STXBP3: variants seen among roughly 807,000 people sequenced by gnomAD.
STXBP3 encodes syntaxin-binding protein 3.
STXBP3 carries 41 observed loss-of-function variants against 85.7 expected under a neutral mutation model. That is an observed-to-expected ratio of 0.48 (90% confidence interval 0.37 to 0.62). STXBP3 has a LOEUF of 0.62. Ranked by LOEUF, STXBP3 falls within the 20% of genes least tolerant of loss-of-function variation. The pLI is 0.00. For missense variants in STXBP3, 563 were observed against 703.1 expected, an observed-to-expected ratio of 0.80 and a Z score of 2.25; for synonymous variants, 229 against 231.7, an observed-to-expected ratio of 0.99 and a Z score of 0.10.
intron 3 of STXBP3, among the ~76,000 whole-genome samples, chr1:108,753,437 T>G (rs1054701529): frequency 3.9e-5 from 6 of 152,122 alleles, no homozygotes; most frequent in African/African-American, 1.2e-4. Context: ...TGTATATTGA[T>G]ACACAAGCTT....
At chr1:108,784,130 T>C (rs1008131082) in intron 11 of STXBP3, among the ~76,000 whole-genome samples, 2 of 152,234 alleles carry the variant, frequency 1.3e-5, no homozygotes, top group Admixed American at 1.3e-4. Flanking sequence ...ATACTTTCTC[T>C]GTGTCCTTAG....
intron 17 of STXBP3, among the ~76,000 whole-genome samples, chr1:108,800,540 A>G (rs771254657): frequency 6.6e-6 from 1 of 152,222 alleles, no homozygotes; most frequent in Admixed American, 6.5e-5. Flanking sequence ...CTTCCTTCAC[A>G]TAGCAGAGAC....
chr1:108,748,569 C>T (rs771904075), intron 1 of STXBP3, among the ~76,000 whole-genome samples: 3 of 151,866 alleles, frequency 2.0e-5, no homozygotes, highest in Non-Finnish European at 4.4e-5. Flanking sequence ...CAGTGGCTCA[C>T]GCCTGTAATT....
chr1:108,772,690 C>G lies in STXBP3; in HGVS notation c.464C>G (p.Ala155Gly). ...SQVYTLDVPD[A>G]FYYCYSPDPG... is the part of the protein sequence containing the mutation. ...GTGTATACTCTTGATGTACCAGATG[C>G]ATTCTATTACTGTTATAGTCCAGAC... Residue 155 changes from alanine to glycine, a missense_variant, in exon 7 of 19, where the codon GCA (alanine) becomes GGA (glycine). Ala to Gly is a moderately conservative substitution (Grantham distance 60). Around this residue, in one of 3 missense-constraint regions of STXBP3, gnomAD observed 494 missense variants for 592.8 expected, o/e 0.83. Transcript: ENST00000370008. The G allele has an allele frequency of 6.5e-7, 1 of 1,533,308 alleles. No individual in the cohort carries two copies. The highest frequency in any genetic ancestry group is 8.8e-7 in the Non-Finnish European group (1 of 1,135,406). The allele number at this position is 1,533,308 out of a possible 1,614,324, so 95.0% of individuals were successfully genotyped here. A position where few individuals can be genotyped will look rare whatever the true frequency, so the allele number is the denominator to read the frequency against.
intron 12 of STXBP3, 51 bp from the exon 13 acceptor site, chr1:108,794,776 G>A (rs1663056495): frequency 1.3e-6 from 2 of 1,526,204 alleles, no homozygotes; most frequent in Non-Finnish European, 1.8e-6. Flanking sequence ...ATTACCAGTT[G>A]CACAAAAGTC....
At chr1:108,775,100 A>G (rs1383996096) in intron 7 of STXBP3, among the ~76,000 whole-genome samples, 1 of 152,124 alleles carries the variant, frequency 6.6e-6, no homozygotes, top group African/African-American at 2.4e-5. Flanking sequence ...TGTACAATTT[A>G]TTGTACAGAG....
At chr1:108,747,357 G>A (rs1412951848) in intron 1 of STXBP3, among the ~76,000 whole-genome samples, 1 of 152,138 alleles carries the variant, frequency 6.6e-6, no homozygotes, top group Non-Finnish European at 1.5e-5. Flanking sequence ...CTTGAGAAGA[G>A]ACCATTGGAA....
At chr1:108,755,621 C>T (rs1351383467) in intron 3 of STXBP3, among the ~76,000 whole-genome samples, 4 of 151,786 alleles carry the variant, frequency 2.6e-5, no homozygotes, top group Admixed American at 6.6e-5. Context: ...AGAGCCTGAG[C>T]CCTAAATCAT....
intron 11 of STXBP3, among the ~76,000 whole-genome samples, chr1:108,788,656 T>C (rs1019709818): frequency 2.6e-5 from 4 of 152,224 alleles, no homozygotes; most frequent in Non-Finnish European, 4.4e-5. Context: ...TTGTCTATTA[T>C]ATCTAAATTT....
intron 3 of STXBP3, among the ~76,000 whole-genome samples, chr1:108,754,033 C>T (rs375149664): frequency 1.5e-4 from 20 of 133,778 alleles, no homozygotes; most frequent in Non-Finnish European, 1.7e-4. Context: ...ATAAAATAAT[C>T]TTTTTTTTTT....
At chr1:108,766,916 T>C in intron 6 of STXBP3, 1 of 532,510 alleles carries the variant, frequency 1.9e-6, no homozygotes, top group Admixed American at 2.0e-5. Context: ...AACTGTAATA[T>C]GGAACTGGGG....
intron 3 of STXBP3, 67 bp downstream of exon 3, chr1:108,753,211 T>A: frequency 8.7e-7 from 1 of 1,147,744 alleles, no homozygotes; most frequent in Non-Finnish European, 1.2e-6. Flanking sequence ...TATTAAATTT[T>A]AGTTAGTAGT....
intron 6 of STXBP3, among the ~76,000 whole-genome samples, chr1:108,769,795 C>A (rs1276207323): frequency 1.3e-5 from 2 of 152,150 alleles, no homozygotes. Flanking sequence ...CCCCCCAGAT[C>A]TCAGTGCATT....
chr1:108,751,095 T>C (rs1320918075), intron 1 of STXBP3, among the ~76,000 whole-genome samples: 1 of 152,184 alleles, frequency 6.6e-6, no homozygotes, highest in Admixed American at 6.5e-5. Flanking sequence ...AATGATTACA[T>C]CACTGGTGAT....
In STXBP3 at chr1:108,746,674, G is replaced by A. The variant is rs1025985516; in HGVS notation, c.-64G>A. Reference sequence around the variant, plus strand: ...CAAGGGGCGGGGCCACCCCAACGCCGCTTCTGCGGCCAAAGTAGGTTGGGA... The same window carrying A: ...CAAGGGGCGGGGCCACCCCAACGCCACTTCTGCGGCCAAAGTAGGTTGGGA... On this transcript the variant is annotated 5_prime_UTR_variant, in exon 1 of 19. Coordinates refer to ENST00000370008, the MANE Select transcript of STXBP3 (RefSeq NM_007269.4). 7 of 1,542,088 alleles carry A rather than the reference G, an allele frequency of 4.5e-6. No individual in the cohort carries two copies. Among genetic ancestry groups the A allele is most frequent in the Non-Finnish European group, 5.3e-6 (6 of 1,139,988 alleles).
intron 18 of STXBP3, 110 bp from the exon 19 acceptor site, chr1:108,808,673 A>T (rs1158383508): frequency 2.4e-6 from 2 of 818,536 alleles, no homozygotes; most frequent in Non-Finnish European, 4.0e-6. Context: ...ATTTTGTTAC[A>T]TTACCCCAGG....
Position 108,796,385 on chromosome 1 carries a change from A to G in STXBP3, c.1249+13A>G, listed in dbSNP as rs751302488. 1 of 1,444,232 alleles carries G rather than the reference A, an allele frequency of 6.9e-7. No individual in the cohort carries two copies. The highest frequency in any genetic ancestry group is 1.4e-5 in the African/African-American group (1 of 70,782). 89.5% of individuals were successfully genotyped at this position (1,444,232 alleles called of 1,614,324 possible). ...TTCAGTATTAATGGTAATGGAGATA[A>G]TCACTTTTTAATAAGTATTTTACTA... On this transcript the variant is annotated intron_variant, in intron 14 of 18. Transcript: ENST00000370008.
chr1:108,791,671 G>A (rs1662978467), intron 11 of STXBP3, among the ~76,000 whole-genome samples: 1 of 152,002 alleles, frequency 6.6e-6, no homozygotes, highest in East Asian at 1.9e-4. Flanking sequence ...GAGGTATAAA[G>A]CAAAATTTCC....
rs556555446 is a variant in STXBP3 at position 108,798,661 on chromosome 1, A to G, written c.1449+424A>G. Among the ~76,000 whole-genome samples the G allele has an allele frequency of 1.5e-4, 23 of 151,460 alleles. No individual in the cohort carries two copies. In the East Asian group the frequency reaches 4.5e-3, roughly 29 times the overall value. On this transcript the variant is annotated intron_variant, in intron 16 of 18. Coordinates refer to ENST00000370008, the MANE Select transcript of STXBP3 (RefSeq NM_007269.4). Reference sequence around the variant, plus strand: ...GAACTCCTGACCTCATGATCCACCCACCTTGGCCTCCCAAAGTGCTGGGAT... The same window carrying G: ...GAACTCCTGACCTCATGATCCACCCGCCTTGGCCTCCCAAAGTGCTGGGAT...
Sources: gnomAD v4.1 joint callset for allele counts (sites outside exome capture counted in the v4.1 genomes callset) on GRCh38, gnomAD v4.1.1 for gene constraint, gnomAD v4.1.1 regional missense constraint, MANE v1.5 for transcripts, NCBI Gene and HGNC (gene_info 2026-07-23, HGNC 2026-07-21) for gene names.